Variants in EPHA4 observed in about 807,000 individuals in gnomAD.
EPHA4 encodes the protein ephrin type-A receptor 4.
In EPHA4, 19 loss-of-function variants were observed where a neutral mutation model predicts 108.3. The observed-to-expected ratio is 0.18, with a 90% CI of 0.12 to 0.26. The LOEUF (loss-of-function observed/expected upper bound fraction) is 0.26. EPHA4 is among the 10% of genes least tolerant of loss of function. The pLI, the probability that EPHA4 is intolerant of heterozygous loss-of-function variation, is 1.00. For missense variants in EPHA4, 917 were observed against 1,254.0 expected (o/e 0.73, Z 4.06); for synonymous variants, 449 against 455.5 (o/e 0.99, Z 0.18).
At chr2:221,548,292 G>T (rs977579507) in intron 3 of EPHA4, among the ~76,000 whole-genome samples, 6 of 152,090 alleles carry the variant, frequency 3.9e-5, no homozygotes, top group African/African-American at 1.5e-4. Flanking sequence ...GGGAGGTGAA[G>T]GTTGCAGTGA....
intron 14 of EPHA4, 133 bp from the exon 15 acceptor site, chr2:221,430,284 C>CA (rs1690034291): frequency 8.4e-6 from 7 of 835,266 alleles, no homozygotes; most frequent in Non-Finnish European, 1.3e-5. Context: ...CCAACTCCTT[C>CA]ACATGAGCCA....
intron 15 of EPHA4, 86 bp downstream of exon 15, chr2:221,429,872 A>C: frequency 6.7e-7 from 1 of 1,487,024 alleles, no homozygotes; most frequent in Non-Finnish European, 9.2e-7. Context: ...CCTCTGATGA[A>C]AAGGCAGGAA....
chr2:221,520,188 C>T (rs1284294841), intron 3 of EPHA4, among the ~76,000 whole-genome samples: 1 of 152,064 alleles, frequency 6.6e-6, no homozygotes, highest in African/African-American at 2.4e-5. Context: ...CCTCTCATAG[C>T]CAGCCCCAAT....
intron 8 of EPHA4, among the ~76,000 whole-genome samples, chr2:221,453,842 A>T (rs1046874736): frequency 6.6e-6 from 1 of 152,194 alleles, no homozygotes; most frequent in African/African-American, 2.4e-5. Context: ...TGGTCCCTGT[A>T]TACCAGGACA....
intron 3 of EPHA4, among the ~76,000 whole-genome samples, chr2:221,528,353 A>T (rs1693406444): frequency 6.6e-6 from 1 of 152,152 alleles, no homozygotes; most frequent in Non-Finnish European, 1.5e-5. Flanking sequence ...TTAAACAGGA[A>T]GTGTATATTA....
intron 3 of EPHA4, among the ~76,000 whole-genome samples, chr2:221,540,106 G>A (rs563229009): frequency 2.0e-5 from 3 of 152,202 alleles, no homozygotes; most frequent in African/African-American, 7.2e-5. Context: ...TTTTACTAGA[G>A]ATGGAATTTC....
chr2:221,551,938 A>C (rs1464345833), intron 3 of EPHA4, among the ~76,000 whole-genome samples: 2 of 152,052 alleles, frequency 1.3e-5, no homozygotes, highest in Non-Finnish European at 1.5e-5. Context: ...TCTAAAAGAA[A>C]GGGTTTGAAA....
chr2:221,466,006 C>T (rs1226876441), intron 5 of EPHA4, among the ~76,000 whole-genome samples: 2 of 152,142 alleles, frequency 1.3e-5, no homozygotes, highest in Non-Finnish European at 2.9e-5. Flanking sequence ...CCGGAAACTC[C>T]AGCTGGTCAT....
rs879808249 is a variant in EPHA4, at chr2:221,571,705, CTT to C, written c.91+451_91+452del. 4.6e-5 allele frequency among the ~76,000 whole-genome samples: 7 copies of C among 152,342 alleles called. No homozygotes were observed. Among genetic ancestry groups the C allele is most frequent in the South Asian group, 2.1e-4 (1 of 4,832 alleles). On this transcript the variant is annotated intron_variant, in intron 1 of 17. Coordinates refer to ENST00000281821, the MANE Select transcript of EPHA4 (RefSeq NM_004438.5). This position sits in a 1 kb window ranked among gnomAD's most constrained non-coding sequence, Gnocchi z 6.3. ...CCCGAGAAGCGCAGGGCTCGGGAAA[CTT>C]TGCAGAAACCAGAGCTCGAAAGGCT...
At position 221,545,445 on chromosome 2, in the gene EPHA4, G is replaced by A. The variant is rs369074938; in HGVS notation, c.823+18286C>T. Among the ~76,000 whole-genome samples, 337 of 152,146 alleles carry A rather than the reference G, an allele frequency of 2.2e-3. 1 individual carries two copies. Among genetic ancestry groups the A allele is most frequent in the African/African-American group, 7.9e-3 (328 of 41,516 alleles). On this transcript the variant is annotated intron_variant, in intron 3 of 17. Transcript: ENST00000281821. ...GACTGCACCACTGCACTCCAGCCTG[G>A]GCGACAGAGCAAGACTCCATCTTAA...
intron 3 of EPHA4, among the ~76,000 whole-genome samples, chr2:221,523,190 TG>T (rs1359317490): frequency 6.6e-6 from 1 of 152,204 alleles, no homozygotes; most frequent in Non-Finnish European, 1.5e-5. Flanking sequence ...AAGTAGTTAC[TG>T]GGGCTCTCTA....
At chr2:221,444,859 G>A (rs1690545152) in intron 9 of EPHA4, among the ~76,000 whole-genome samples, 1 of 139,616 alleles carries the variant, frequency 7.2e-6, no homozygotes, top group Non-Finnish European at 1.5e-5. Context: ...CTGGGTTCAA[G>A]CAATTCTCGT....
At chr2:221,544,332 T>C (rs1030786697) in intron 3 of EPHA4, among the ~76,000 whole-genome samples, 6 of 152,198 alleles carry the variant, frequency 3.9e-5, no homozygotes, top group Admixed American at 6.5e-5. Flanking sequence ...TTTTATTTAT[T>C]TACTTTTTTT....
chr2:221,423,122 C>T lies in EPHA4; in HGVS notation c.*819+2087G>A, dbSNP rs141858915. 1.1e-3 allele frequency among the ~76,000 whole-genome samples: 163 copies of T among 152,292 alleles called. 1 individual carries two copies. Among genetic ancestry groups the T allele is most frequent in the African/African-American group, 1.4e-3 (58 of 41,572 alleles). On this transcript the variant is annotated intron_variant, in intron 17 of 17. Transcript: ENST00000281821. ...ACTTGGACAATGTTGGAGGAAGAAG[C>T]GTACCTTTCTTCTGTGGAGCTCACC...
At chr2:221,441,320 C>T (rs895426473) in intron 11 of EPHA4, among the ~76,000 whole-genome samples, 14 of 150,834 alleles carry the variant, frequency 9.3e-5, no homozygotes, top group African/African-American at 3.2e-4. Flanking sequence ...TATGGACAGG[C>T]GGCAGGGAAA....
intron 4 of EPHA4, among the ~76,000 whole-genome samples, chr2:221,493,421 G>C (rs1692208659): frequency 6.6e-6 from 1 of 151,776 alleles, no homozygotes; most frequent in Non-Finnish European, 1.5e-5. Flanking sequence ...ATGGATGTGA[G>C]ATTCCCAAAA....
chr2:221,539,583 A>C (rs73994298), intron 3 of EPHA4, among the ~76,000 whole-genome samples: 3,468 of 152,296 alleles, frequency 0.023, 109 homozygotes, highest in African/African-American at 0.071. Context: ...AGAATAGTGA[A>C]GGAGCTTTGA....
chr2:221,568,782 G>T lies in EPHA4; in HGVS notation c.95C>A (p.Thr32Asn). 1 of 1,612,248 alleles carries T rather than the reference G, an allele frequency of 6.2e-7. No homozygotes were observed. The highest frequency in any genetic ancestry group is 8.5e-7 in the Non-Finnish European group (1 of 1,179,388). ...CTGAACAGATCTGGAATCCAATAAG[G>T]TAACTGCAAAAAACAAAAGAAAAAT... Reference protein sequence around the residue: ...GSRVYPANEVTLLDSRSVQGE... With the variant: ...GSRVYPANEVNLLDSRSVQGE... The change falls in exon 2 of 18, where the codon ACC becomes AAC. Residue 32 changes from threonine (T) to asparagine (N), a missense_variant. Thr to Asn is a moderately conservative substitution (Grantham distance 65). Transcript: ENST00000281821.
intron 3 of EPHA4, among the ~76,000 whole-genome samples, chr2:221,521,604 C>G (rs534827598): frequency 2.0e-5 from 3 of 152,066 alleles, no homozygotes; most frequent in Non-Finnish European, 4.4e-5. Flanking sequence ...ACTGTAGATT[C>G]AGAAAAAGTT....
Sources: gnomAD v4.1 joint callset for allele counts (sites outside exome capture counted in the v4.1 genomes callset) on GRCh38, gnomAD v4.1.1 for gene constraint, Gnocchi (gnomAD v3.1) non-coding constraint, MANE v1.5 for transcripts, NCBI Gene and HGNC (gene_info 2026-07-23, HGNC 2026-07-21) for gene names.